Variants in EXPH5 observed in about 807,000 individuals in gnomAD.
The protein encoded by EXPH5 is exophilin 5.
In EXPH5, 42 loss-of-function variants were observed where a neutral mutation model predicts 41.1. The ratio of observed to expected loss-of-function variants is 1.02; its 90% CI spans 0.80 to 1.32. EXPH5 has a LOEUF of 1.32. Ranked by LOEUF, EXPH5 falls within the 40% of genes most tolerant of loss-of-function variation. The pLI is 0.00. For synonymous variants in EXPH5, 798 were observed against 833.5 expected, an observed-to-expected ratio of 0.96 and a Z score of 0.73; for missense variants, 2,298 against 2,314.5, an observed-to-expected ratio of 0.99 and a Z score of 0.15.
chr11:108,569,228 G>A (rs1187756044), intron 1 of EXPH5, among the ~76,000 whole-genome samples: 1 of 152,078 alleles, frequency 6.6e-6, no homozygotes, highest in Non-Finnish European at 1.5e-5. Context: ...ACCACCTCCA[G>A]CAAGTCTTCT....
intron 3 of EXPH5, chr11:108,538,306 T>A (rs530254886): frequency 1.0e-6 from 1 of 954,710 alleles, no homozygotes; most frequent in African/African-American, 1.8e-5. Context: ...CAGGAAGACA[T>A]GCCGAAAATA....
At chr11:108,517,815 G>A (rs2093736534) in intron 5 of EXPH5, among the ~76,000 whole-genome samples, 1 of 152,080 alleles carries the variant, frequency 6.6e-6, no homozygotes, top group South Asian at 2.1e-4. Flanking sequence ...CTGGAGTGCA[G>A]TGGCATGATC....
chr11:108,603,147 T>A, the EXPH5 span, among the ~76,000 whole-genome samples: 2 of 152,336 alleles, frequency 1.3e-5, no homozygotes, highest in East Asian at 3.9e-4. Context: ...TCCCCAGCCA[T>A]GTGGAACTGT....
At chr11:108,577,570 T>C (rs936697703) in intron 1 of EXPH5, among the ~76,000 whole-genome samples, 10 of 152,006 alleles carry the variant, frequency 6.6e-5, no homozygotes, top group Non-Finnish European at 1.0e-4. Context: ...ATTACAGGCA[T>C]GTGTCACCAC....
intron 1 of EXPH5, among the ~76,000 whole-genome samples, chr11:108,561,019 T>C (rs1011247390): frequency 1.2e-4 from 19 of 152,224 alleles, no homozygotes; most frequent in Non-Finnish European, 1.6e-4. Context: ...TGTTACATGA[T>C]ATAAATAATA....
chr11:108,514,994 T>C, intron 5 of EXPH5, 119 bp from the exon 6 acceptor site: 1 of 517,370 alleles, frequency 1.9e-6, no homozygotes. Context: ...TTTTATCATA[T>C]TATCATGTTA....
At chr11:108,540,942 T>C (rs1388706684) in intron 2 of EXPH5, among the ~76,000 whole-genome samples, 3 of 152,156 alleles carry the variant, frequency 2.0e-5, no homozygotes, top group Admixed American at 2.0e-4. Context: ...CTTACCGCTG[T>C]TGCCCAGGCT....
intron 3 of EXPH5, among the ~76,000 whole-genome samples, chr11:108,528,739 G>A (rs1555191812): frequency 1.7e-5 from 1 of 60,440 alleles, no homozygotes; most frequent in East Asian, 5.5e-4. Context: ...TTTGCTCTTT[G>A]TCGCCCAGGC....
At chr11:108,518,466 T>C (rs553061847) in intron 4 of EXPH5, 93 bp from the exon 5 acceptor site, 107 of 1,174,442 alleles carry the variant, frequency 9.1e-5, no homozygotes, top group Admixed American at 4.6e-4. Flanking sequence ...AGCTTAAAAG[T>C]ATTAGTCTAA....
At chr11:108,528,309 G>T in intron 3 of EXPH5, 125 bp from the exon 4 acceptor site, 1 of 643,576 alleles carries the variant, frequency 1.6e-6, no homozygotes. Flanking sequence ...ATTCACTGTA[G>T]AAAGATGTTT....
intron 4 of EXPH5, among the ~76,000 whole-genome samples, chr11:108,520,830 A>T (rs756204971): frequency 6.6e-6 from 1 of 152,144 alleles, no homozygotes; most frequent in Non-Finnish European, 1.5e-5. Context: ...CAGCCCCCCA[A>T]AGTGCTGGGA....
chr11:108,506,487 A>C lies in EXPH5; in HGVS notation c.*3050T>G, dbSNP rs1167722598. On this transcript the variant is annotated 3_prime_UTR_variant, in exon 6 of 6. Transcript: ENST00000265843. The stretch of plus-strand genomic sequence containing the variant: ...GTTTCACCCTTACCTAACTTACCTA[A>C]CTCTTAATATAGCCTAAACTCACTG... 3 of 151,982 alleles carry C rather than the reference A, an allele frequency of 2.0e-5. No individual in the cohort carries two copies. Among genetic ancestry groups the C allele is most frequent in the Non-Finnish European group, 4.4e-5 (3 of 68,012 alleles). The allele number at this position is 151,982 out of a possible 1,614,324, so 9.4% of individuals were successfully genotyped here.
Position 108,528,138 on chromosome 11 carries a change from C to T in EXPH5, c.490G>A (p.Val164Met), listed in dbSNP as rs779187153. 16 of 1,605,186 alleles carry T rather than the reference C, an allele frequency of 1.0e-5. No individual in the cohort carries two copies. Among genetic ancestry groups the T allele is most frequent in the African/African-American group, 2.7e-5 (2 of 74,740 alleles). ...GPPMPVRGAA[V>M]QAKIYNSPLE... ...CCTGTAGTTATCTGGTTACTTACCA[C>T]AGCAGCTCCCCTCACAGGCATAGGA... Residue 164 changes from valine (V) to methionine (M), a missense_variant and splice_region_variant, in exon 4 of 6, where the codon GTG (valine) becomes ATG (methionine). By Grantham distance (21) the Val-to-Met change is conservative (BLOSUM62 1). Coordinates refer to ENST00000265843, the MANE Select transcript of EXPH5 (RefSeq NM_015065.3).
chr11:108,522,958 C>T (rs990356182), intron 4 of EXPH5, among the ~76,000 whole-genome samples: 20 of 152,100 alleles, frequency 1.3e-4, no homozygotes, highest in African/African-American at 4.3e-4. Context: ...TCACAGCTCA[C>T]TGTAACCCCG....
chr11:108,569,693 A>G (rs2094051459), intron 1 of EXPH5, among the ~76,000 whole-genome samples: 2 of 152,208 alleles, frequency 1.3e-5, no homozygotes, highest in Non-Finnish European at 2.9e-5. Context: ...CTTACAAAGA[A>G]CATTTGTATA....
At chr11:108,568,182 G>C (rs547837212) in intron 1 of EXPH5, 4 of 149,664 alleles carry the variant, frequency 2.7e-5, no homozygotes, top group South Asian at 2.1e-4. Flanking sequence ...TTTTGGGAGG[G>C]GGGGAGGGCG....
chr11:108,604,171 G>T, the EXPH5 span, among the ~76,000 whole-genome samples: 1 of 146,094 alleles, frequency 6.8e-6, no homozygotes, highest in Non-Finnish European at 1.5e-5. Flanking sequence ...TGGGAGGATT[G>T]CTTGAGCCCA....
intron 1 of EXPH5, among the ~76,000 whole-genome samples, chr11:108,571,473 A>G (rs1002945464): frequency 6.6e-6 from 1 of 152,178 alleles, no homozygotes; most frequent in Admixed American, 6.5e-5. Context: ...GGCCATTGTC[A>G]GAATTCCGCC....
Position 108,511,343 on chromosome 11 carries a change from C to G in EXPH5, c.4164G>C (p.Lys1388Asn). The change falls in exon 6 of 6, where the codon AAG becomes AAC. Residue 1388 changes from lysine to asparagine, a missense_variant. Physicochemically the swap from Lys to Asn is moderately conservative, Grantham distance 94. Coordinates refer to ENST00000265843, the MANE Select transcript of EXPH5 (RefSeq NM_015065.3). ...AAGTATGCAGGGTTTCACTTTGCAA[C>G]TTTTTGCCTCTTTCCTTCTTGTTTT... ...DSENKKERGKKLQSETLHTSL... is the reference protein window; with the variant it reads ...DSENKKERGKNLQSETLHTSL... 6.3e-7 allele frequency: 1 copy of G among 1,578,748 alleles called. No individual in the cohort carries two copies. The highest frequency in any genetic ancestry group is 8.6e-7 in the Non-Finnish European group (1 of 1,166,872).
Sources: allele counts gnomAD v4.1 joint callset (sites outside exome capture counted in the v4.1 genomes callset), GRCh38; gene constraint gnomAD v4.1.1; transcripts MANE v1.5; gene names NCBI Gene and HGNC (gene_info 2026-07-23, HGNC 2026-07-21).